The following ELMO1 variants were observed in gnomAD, a reference collection of about 807,000 sequenced individuals.
ELMO1 encodes the protein engulfment and cell motility 1, also known as engulfment and cell motility protein 1.
A neutral mutation model predicts 98.9 loss-of-function variants in ELMO1; 26 were observed. The ratio of observed to expected loss-of-function variants is 0.26; its 90% confidence interval spans 0.19 to 0.36. ELMO1 has a LOEUF of 0.36. Among genes scored for constraint, ELMO1 ranks in the 10% least tolerant of loss-of-function variants. The pLI is 1.00. For missense variants in ELMO1, 627 were observed against 935.2 expected, an observed-to-expected ratio of 0.67 and a Z score of 4.30; for synonymous variants, 346 against 346.0, an observed-to-expected ratio of 1.00 and a Z score of 0.00.
rs1268389349 is a variant in ELMO1, at chr7:37,241,265, T to C, written c.449+3091A>G. Among the ~76,000 whole-genome samples the C allele has an allele frequency of 7.9e-5, 12 of 152,138 alleles. 1 individual carries two copies. The highest frequency in any genetic ancestry group is 1.6e-4 in the Non-Finnish European group (11 of 67,996). On this transcript the variant is annotated intron_variant, in intron 7 of 21. Coordinates refer to ENST00000310758, the MANE Select transcript of ELMO1 (RefSeq NM_014800.11). ...CATTTTTATTACTAATTATCCCTCT[T>C]TAACTCTGATAACATATTGCTTTCA... is the stretch of plus-strand genomic sequence containing the variant.
At chr7:36,958,482 T>A (rs1788651039) in intron 16 of ELMO1, among the ~76,000 whole-genome samples, 1 of 152,174 alleles carries the variant, frequency 6.6e-6, no homozygotes, top group Non-Finnish European at 1.5e-5. Context: ...TCATTTTTCA[T>A]CAGATAACTT....
In ELMO1 at chr7:36,889,380, T is replaced by G. The variant is rs142697650; in HGVS notation, c.1602-1708A>C. On this transcript the variant is annotated intron_variant, in intron 17 of 21. Coordinates refer to ENST00000310758, the MANE Select transcript of ELMO1 (RefSeq NM_014800.11). Reference sequence around the variant, plus strand: ...TCTACCTAAAATGGACTCAGTAAATTGCAGCTTTGAAGAACCCTGCACTGA... The same window carrying G: ...TCTACCTAAAATGGACTCAGTAAATGGCAGCTTTGAAGAACCCTGCACTGA... Among the ~76,000 whole-genome samples the G allele has an allele frequency of 1.4e-3, 208 of 152,258 alleles. 2 individuals carry two copies. Among genetic ancestry groups the G allele is most frequent in the South Asian group, 7.7e-3 (37 of 4,818 alleles).
At chr7:37,140,883 TAG>T (rs1250169537) in intron 13 of ELMO1, among the ~76,000 whole-genome samples, 1 of 152,032 alleles carries the variant, frequency 6.6e-6, no homozygotes. Context: ...CAAAAAACAA[TAG>T]ATGCTGGCAT....
rs190908158 is a variant in ELMO1 at position 37,079,914 on chromosome 7, C to T, written c.1300+16705G>A. The stretch of plus-strand genomic sequence containing the variant: ...ATACTGTTGATGCTCAAAGTTACAT[C>T]TCCAATTCAAAATCATCCCCTAAAC... On this transcript the variant is annotated intron_variant, in intron 15 of 21. Coordinates refer to ENST00000310758, the MANE Select transcript of ELMO1 (RefSeq NM_014800.11). 5.2e-4 allele frequency among the ~76,000 whole-genome samples: 79 copies of T among 152,256 alleles called. No individual in the cohort carries two copies. In the East Asian group the frequency reaches 0.01, roughly 19 times the overall value.
At chr7:36,895,058 C>T in intron 16 of ELMO1, 41 bp from the exon 17 acceptor site, 1 of 1,605,748 alleles carries the variant, frequency 6.2e-7, no homozygotes, top group Non-Finnish European at 8.5e-7. Flanking sequence ...TGGGGGCTGA[C>T]CTTTCCCATT....
chr7:36,855,574 C>T lies in ELMO1; in HGVS notation c.2161G>A (p.Asp721Asn). The T allele has an allele frequency of 2.5e-6, 4 of 1,614,118 alleles. No homozygotes were observed. The highest frequency in any genetic ancestry group is 2.5e-6 in the Non-Finnish European group (3 of 1,180,000). ...CTTCAGTTACAGTCATAGACGAAGT[C>T]ATAGTTGCTGGGCTCCTTGGGAATC... ...PPIPKEPSNY[D>N]FVYDCN The change falls in exon 22 of 22, where the codon GAC becomes AAC. Residue 721 changes from aspartate to asparagine, a missense_variant. Transcript: ENST00000310758. This position sits in a 1 kb window ranked among gnomAD's most constrained non-coding sequence, Gnocchi z 4.2.
At chr7:37,101,329 C>T (rs1239000083) in intron 14 of ELMO1, among the ~76,000 whole-genome samples, 1 of 152,126 alleles carries the variant, frequency 6.6e-6, no homozygotes, top group Non-Finnish European at 1.5e-5. Context: ...CGAACAAGGA[C>T]CCTGTTGTAA....
chr7:37,071,488 A>G (rs978728780), intron 15 of ELMO1, among the ~76,000 whole-genome samples: 2 of 152,200 alleles, frequency 1.3e-5, no homozygotes, highest in Non-Finnish European at 2.9e-5. Context: ...GTGGGACTAT[A>G]GTTCAAGAAC....
At chr7:37,165,021 C>G (rs79241660) in intron 13 of ELMO1, among the ~76,000 whole-genome samples, 152,042 of 152,056 alleles carry the variant, frequency 1, 76,014 homozygotes, top group Non-Finnish European at 1. Flanking sequence ...TTGAGCAGTG[C>G]TTTGTAGTTC....
intron 15 of ELMO1, among the ~76,000 whole-genome samples, chr7:37,077,834 C>T (rs1044049826): frequency 6.6e-6 from 1 of 152,094 alleles, no homozygotes; most frequent in African/African-American, 2.4e-5. Flanking sequence ...TCCAGTCTAA[C>T]CCACTGTTAG....
intron 16 of ELMO1, among the ~76,000 whole-genome samples, chr7:36,981,076 A>AT (rs139833363): frequency 2.6e-4 from 39 of 148,276 alleles, no homozygotes; most frequent in South Asian, 6.5e-4. Flanking sequence ...AATCACATGG[A>AT]TTTTTTTTTT....
At chr7:37,072,132 AAG>A (rs1482398054) in intron 15 of ELMO1, among the ~76,000 whole-genome samples, 1 of 152,176 alleles carries the variant, frequency 6.6e-6, no homozygotes, top group Non-Finnish European at 1.5e-5. Flanking sequence ...TCAAAAAACA[AAG>A]AGTGTTAAAG....
rs114937893 is a variant in ELMO1 at position 37,173,228 on chromosome 7, T to C, written c.1086+38158A>G. Among the ~76,000 whole-genome samples the C allele has an allele frequency of 6.6e-3, 1,004 of 152,316 alleles. 10 individuals are homozygous for C. Among genetic ancestry groups the C allele is most frequent in the African/African-American group, 0.022 (914 of 41,576 alleles). Reference sequence around the variant, plus strand: ...GAAATTGTATTTAGAGACTATGTGATATCCTGTATTCTCTGTCCTGGCCAG... The same window carrying C: ...GAAATTGTATTTAGAGACTATGTGACATCCTGTATTCTCTGTCCTGGCCAG... On this transcript the variant is annotated intron_variant, in intron 13 of 21. Coordinates refer to ENST00000310758, the MANE Select transcript of ELMO1 (RefSeq NM_014800.11).
At chr7:37,006,600 G>A (rs1269132749) in intron 16 of ELMO1, among the ~76,000 whole-genome samples, 2 of 152,168 alleles carry the variant, frequency 1.3e-5, no homozygotes, top group African/African-American at 4.8e-5. Context: ...GGTTCTTGGA[G>A]GAGTAAATAT....
chr7:37,049,386 C>T (rs1490876214), intron 15 of ELMO1, among the ~76,000 whole-genome samples: 1 of 152,134 alleles, frequency 6.6e-6, no homozygotes, highest in East Asian at 1.9e-4. Context: ...GCTTGGTGAC[C>T]CTTCGAAACC....
intron 4 of ELMO1, among the ~76,000 whole-genome samples, chr7:37,294,473 C>G (rs748165917): frequency 6.6e-6 from 1 of 152,062 alleles, no homozygotes; most frequent in Admixed American, 6.5e-5. Flanking sequence ...CTGATAATTG[C>G]GGGTGGGACT....
chr7:37,060,883 G>A (rs1417066496), intron 15 of ELMO1, among the ~76,000 whole-genome samples: 1 of 152,196 alleles, frequency 6.6e-6, no homozygotes, highest in Non-Finnish European at 1.5e-5. Context: ...GGGAGGCACA[G>A]AGGGGAGAGG....
chr7:37,179,722 C>G (rs1037059467), intron 13 of ELMO1, among the ~76,000 whole-genome samples: 1 of 152,176 alleles, frequency 6.6e-6, no homozygotes, highest in Non-Finnish European at 1.5e-5. Flanking sequence ...AGAATCACTT[C>G]CTTGGATCTG....
At chr7:37,158,544 T>G (rs1336128546) in intron 13 of ELMO1, among the ~76,000 whole-genome samples, 1 of 152,156 alleles carries the variant, frequency 6.6e-6, no homozygotes, top group Non-Finnish European at 1.5e-5. Context: ...CCAACAGCCA[T>G]ATGAAAATAT....
Sources: allele counts gnomAD v4.1 joint callset (sites outside exome capture counted in the v4.1 genomes callset), GRCh38; gene constraint gnomAD v4.1.1; non-coding constraint Gnocchi (gnomAD v3.1); transcripts MANE v1.5; gene names NCBI Gene and HGNC (gene_info 2026-07-23, HGNC 2026-07-21).